Variants in SPOCK1 observed in about 807,000 individuals in gnomAD.
SPOCK1 encodes testican-1.
Under a neutral mutation model 55.3 loss-of-function variants are expected in SPOCK1, and 23 were observed. The observed-to-expected ratio is 0.42, with a 90% CI of 0.30 to 0.59. SPOCK1 has a LOEUF of 0.59. SPOCK1 is among the 20% of genes least tolerant of loss of function. SPOCK1 has a pLI of 0.22. For missense variants in SPOCK1, 499 were observed against 552.5 expected (o/e 0.90, Z 0.97); for synonymous variants, 226 against 221.0 (o/e 1.02, Z -0.20).
intron 6 of SPOCK1, among the ~76,000 whole-genome samples, chr5:137,037,049 G>C (rs534933146): frequency 6.6e-6 from 1 of 152,172 alleles, no homozygotes; most frequent in South Asian, 2.1e-4. Flanking sequence ...GGCAATTAGA[G>C]CTTAAGCTCC....
intron 4 of SPOCK1, among the ~76,000 whole-genome samples, chr5:137,122,059 C>T (rs189713988): frequency 4.0e-5 from 6 of 151,750 alleles, no homozygotes; most frequent in African/African-American, 7.3e-5. Context: ...AATAGGATGA[C>T]GTGACCACGT....
Position 136,977,021 on chromosome 5 carries a change from T to C in SPOCK1, c.*1633A>G, listed in dbSNP as rs1750630668. 1 of 152,228 alleles carries C rather than the reference T, an allele frequency of 6.6e-6. No individual in the cohort carries two copies. The highest frequency in any genetic ancestry group is 2.1e-4 in the South Asian group (1 of 4,826). 9.4% of individuals were successfully genotyped at this position (152,228 alleles called of 1,614,324 possible). ...TTTTGTGTGGACAGGCTGAAGTTCA[T>C]GGGGGAAGGCAAGAGATAGATATGT... is the stretch of plus-strand genomic sequence containing the variant. On this transcript the variant is annotated 3_prime_UTR_variant, in exon 11 of 11. Coordinates refer to ENST00000394945, the MANE Select transcript of SPOCK1 (RefSeq NM_004598.4).
At chr5:137,236,340 G>T (rs1364898574) in intron 3 of SPOCK1, among the ~76,000 whole-genome samples, 1 of 152,264 alleles carries the variant, frequency 6.6e-6, no homozygotes, top group Non-Finnish European at 1.5e-5. Flanking sequence ...GGAGTAGGAT[G>T]AAGCCAATGG....
intron 2 of SPOCK1, among the ~76,000 whole-genome samples, chr5:137,278,481 G>A (rs1757110613): frequency 6.6e-6 from 1 of 152,196 alleles, no homozygotes; most frequent in Admixed American, 6.5e-5. Flanking sequence ...CTTCCATGGA[G>A]AAGAGTGGGC....
At chr5:137,082,991 C>T (rs1159575747) in intron 5 of SPOCK1, among the ~76,000 whole-genome samples, 2 of 152,204 alleles carry the variant, frequency 1.3e-5, no homozygotes, top group African/African-American at 4.8e-5. Context: ...CTCCATCTAA[C>T]ATAATCTGTG....
intron 3 of SPOCK1, among the ~76,000 whole-genome samples, chr5:137,260,428 C>G (rs1756724111): frequency 2.0e-5 from 3 of 152,192 alleles, no homozygotes; most frequent in Admixed American, 2.0e-4. Context: ...GTGGAATAAA[C>G]AGATTAGAGA....
chr5:137,202,131 A>G (rs2127076766), intron 3 of SPOCK1, among the ~76,000 whole-genome samples: 1 of 152,314 alleles, frequency 6.6e-6, no homozygotes, highest in African/African-American at 2.4e-5. Context: ...TTTCCCAATC[A>G]TACTGATCCC....
intron 3 of SPOCK1, among the ~76,000 whole-genome samples, chr5:137,193,215 C>G (rs1034377821): frequency 6.6e-6 from 1 of 151,984 alleles, no homozygotes; most frequent in Non-Finnish European, 1.5e-5. Flanking sequence ...ACTAGGAGAT[C>G]CTAAGAGGTA....
At chr5:137,257,922 C>T (rs1756669060) in intron 3 of SPOCK1, among the ~76,000 whole-genome samples, 1 of 152,218 alleles carries the variant, frequency 6.6e-6, no homozygotes, top group African/African-American at 2.4e-5. Flanking sequence ...AGAGCACTGT[C>T]ACACTCCCCT....
At chr5:137,221,555 A>C (rs1755848476) in intron 3 of SPOCK1, among the ~76,000 whole-genome samples, 1 of 152,188 alleles carries the variant, frequency 6.6e-6, no homozygotes. Flanking sequence ...TTTACACAAC[A>C]TCTTCGATGA....
At chr5:137,373,627 G>A (rs1270247314) in intron 2 of SPOCK1, among the ~76,000 whole-genome samples, 1 of 152,232 alleles carries the variant, frequency 6.6e-6, no homozygotes, top group African/African-American at 2.4e-5. Context: ...ACCCCACCTG[G>A]ACGGCAGGTG....
intron 2 of SPOCK1, among the ~76,000 whole-genome samples, chr5:137,422,560 C>A (rs1439822759): frequency 6.6e-6 from 1 of 152,224 alleles, no homozygotes; most frequent in Non-Finnish European, 1.5e-5. Flanking sequence ...GATACCCTTT[C>A]TTCCAGTTGA....
intron 2 of SPOCK1, among the ~76,000 whole-genome samples, chr5:137,420,984 C>G (rs1465293635): frequency 1.3e-5 from 2 of 152,168 alleles, no homozygotes; most frequent in South Asian, 4.1e-4. Flanking sequence ...CCCAGAGATT[C>G]TGGTATGTTG....
Position 137,037,579 on chromosome 5 carries a change from G to A in SPOCK1, c.589+30136C>T, listed in dbSNP as rs529871601. On this transcript the variant is annotated intron_variant, in intron 6 of 10. Transcript: ENST00000394945. ...TCTAAGTGGTTTAGGATAAGAAAGT[G>A]TATAATCACCACTGTCCTCTCCAAC... Among the ~76,000 whole-genome samples the A allele has an allele frequency of 2.6e-5, 4 of 152,306 alleles. No individual in the cohort carries two copies. In the South Asian group the frequency reaches 6.2e-4, roughly 24 times the overall value.
At chr5:137,133,423 T>G (rs976925714) in intron 4 of SPOCK1, among the ~76,000 whole-genome samples, 8 of 152,106 alleles carry the variant, frequency 5.3e-5, no homozygotes, top group Non-Finnish European at 7.4e-5. Context: ...CCTAGCGAAT[T>G]TGCCTGACAA....
chr5:137,249,610 A>G (rs1324054940), intron 3 of SPOCK1, among the ~76,000 whole-genome samples: 1 of 152,220 alleles, frequency 6.6e-6, no homozygotes, highest in East Asian at 1.9e-4. Context: ...AAAAGCAACA[A>G]GAGAAAGAGT....
chr5:137,341,026 C>T (rs1448959882), intron 2 of SPOCK1, among the ~76,000 whole-genome samples: 1 of 152,208 alleles, frequency 6.6e-6, no homozygotes, highest in Non-Finnish European at 1.5e-5. Flanking sequence ...CTCCACGGGA[C>T]CATAGGCCTG....
At chr5:137,184,083 C>A (rs1435106385) in intron 3 of SPOCK1, among the ~76,000 whole-genome samples, 3 of 152,190 alleles carry the variant, frequency 2.0e-5, no homozygotes, top group African/African-American at 7.2e-5. Flanking sequence ...GTCCAGTGAC[C>A]ACAAGCAGGA....
chr5:137,089,596 C>T (rs897432752), intron 5 of SPOCK1, among the ~76,000 whole-genome samples: 2 of 152,138 alleles, frequency 1.3e-5, no homozygotes, highest in Non-Finnish European at 2.9e-5. Flanking sequence ...CCTGCCAGTG[C>T]CTGAGGTCAT....
Sources: allele counts gnomAD v4.1 joint callset (sites outside exome capture counted in the v4.1 genomes callset), GRCh38; gene constraint gnomAD v4.1.1; transcripts MANE v1.5; gene names NCBI Gene and HGNC (gene_info 2026-07-23, HGNC 2026-07-21).